The following ELF4 variants were observed in gnomAD, a reference collection of about 807,000 sequenced individuals.
ELF4 encodes E74 like ETS transcription factor 4.
ELF4 carries 10 observed loss-of-function variants against 31.7 expected under a neutral mutation model. The observed-to-expected ratio is 0.32, with a 90% CI of 0.19 to 0.54. The LOEUF (loss-of-function observed/expected upper bound fraction) is 0.54, where lower values mean the gene tolerates loss of function less well. Ranked by LOEUF, ELF4 falls within the 20% of genes least tolerant of loss-of-function variation. The pLI, the probability that ELF4 is intolerant of heterozygous loss-of-function variation, is 0.95. For missense variants in ELF4, 418 were observed against 522.0 expected, an observed-to-expected ratio of 0.80 and a Z score of 1.94; for synonymous variants, 208 against 226.7, an observed-to-expected ratio of 0.92 and a Z score of 0.74.
In ELF4 at chrX:130,066,647, G is replaced by T; in HGVS notation, c.*74C>A. ...CCCACTGAAATGCAGGGGCAGGTGT[G>T]CTACTGAAGTCGGTCCCTATGAAAA... On this transcript the variant is annotated 3_prime_UTR_variant, in exon 9 of 9. Coordinates refer to ENST00000308167, the MANE Select transcript of ELF4 (RefSeq NM_001421.4). 1.9e-6 allele frequency: 2 copies of T among 1,035,265 alleles called. No homozygotes were observed. Among genetic ancestry groups the T allele is most frequent in the Non-Finnish European group, 2.7e-6 (2 of 742,523 alleles). The allele number at this position is 1,035,265 out of a possible 1,213,427, so 85.3% of individuals were successfully genotyped here.
At chrX:130,078,756 T>C (rs1283720860) in intron 2 of ELF4, among the ~76,000 whole-genome samples, 1 of 88,508 alleles carries the variant, frequency 1.1e-5, no homozygotes, top group South Asian at 6.6e-4. Flanking sequence ...AAACTCTCTC[T>C]CTCTCTACAC....
upstream of ELF4, among the ~76,000 whole-genome samples, chrX:130,111,846 C>T (rs1410814454): frequency 8.9e-6 from 1 of 112,108 alleles, no homozygotes; most frequent in African/African-American, 3.2e-5. Flanking sequence ...AATACCGCCG[C>T]CTACGTGGGT....
At chrX:130,102,649 AC>A (rs767565443) in intron 1 of ELF4, among the ~76,000 whole-genome samples, 11 of 64,463 alleles carry the variant, frequency 1.7e-4, no homozygotes, top group Middle Eastern at 6.9e-3. Context: ...ACATACCTCT[AC>A]AAAAAAAAAA....
At chrX:130,082,127 T>C (rs1189921604) in intron 1 of ELF4, among the ~76,000 whole-genome samples, 1 of 111,375 alleles carries the variant, frequency 9.0e-6, no homozygotes, top group Non-Finnish European at 1.9e-5. Context: ...GCCAGTTAGC[T>C]TTGAGGGGCC....
At chrX:130,076,268 T>C (rs1932833959) in intron 2 of ELF4, among the ~76,000 whole-genome samples, 1 of 111,193 alleles carries the variant, frequency 9.0e-6, no homozygotes, top group Admixed American at 9.6e-5. Flanking sequence ...CTCATGCCTG[T>C]AATGCCAGCA....
intron 1 of ELF4, among the ~76,000 whole-genome samples, chrX:130,108,979 A>T (rs1462412301): frequency 8.9e-6 from 1 of 112,606 alleles, no homozygotes; most frequent in East Asian, 2.8e-4. Context: ...CCTGTACTGG[A>T]TGCACTGAAT....
In ELF4 at chrX:130,104,177, A is replaced by G. The variant is rs745501900; in HGVS notation, c.-210+6148T>C. Among the ~76,000 whole-genome samples, 219 of 111,072 alleles carry G rather than the reference A, an allele frequency of 2.0e-3. 1 individual carries two copies. Among genetic ancestry groups the G allele is most frequent in the Non-Finnish European group, 3.3e-3 (174 of 52,967 alleles). ...CTTATTTCTGCAGTGAATGATGCTC[A>G]AGATGAAAATGGTGAAGGACTAAAG... is the stretch of plus-strand genomic sequence containing the variant. On this transcript the variant is annotated intron_variant, in intron 1 of 8. Transcript: ENST00000308167.
At chrX:130,108,692 A>G (rs1366971784) in intron 1 of ELF4, among the ~76,000 whole-genome samples, 2 of 110,600 alleles carry the variant, frequency 1.8e-5, no homozygotes, top group African/African-American at 6.6e-5. Flanking sequence ...TTCCTGAGCA[A>G]CCACCGAGCA....
At chrX:130,093,047 T>G in intron 1 of ELF4, among the ~76,000 whole-genome samples, 1 of 110,548 alleles carries the variant, frequency 9.0e-6, no homozygotes, top group Middle Eastern at 4.8e-3. Flanking sequence ...GTGTGATGGC[T>G]CATGCCTATA....
At chrX:130,092,702 G>A (rs1162951941) in intron 1 of ELF4, among the ~76,000 whole-genome samples, 1 of 112,094 alleles carries the variant, frequency 8.9e-6, no homozygotes, top group African/African-American at 3.2e-5. Context: ...GCCCAGGGTG[G>A]CTTCGAATGG....
intron 1 of ELF4, among the ~76,000 whole-genome samples, chrX:130,103,815 T>TC (rs1933327029): frequency 8.9e-6 from 1 of 111,926 alleles, no homozygotes; most frequent in South Asian, 3.7e-4. Context: ...AGGCTGCCTG[T>TC]CCCTGCGGGT....
chrX:130,091,007 T>A (rs897373440), intron 1 of ELF4, among the ~76,000 whole-genome samples: 7 of 111,268 alleles, frequency 6.3e-5, no homozygotes, highest in Non-Finnish European at 1.3e-4. Context: ...TGAGACAGGG[T>A]TTTGCCATGT....
intron 2 of ELF4, 81 bp from the exon 3 acceptor site, chrX:130,074,833 G>A: frequency 1.8e-6 from 2 of 1,093,160 alleles, no homozygotes; most frequent in South Asian, 1.9e-5. Flanking sequence ...GGCCCTCTGT[G>A]CAAGTCCTTA....
intron 1 of ELF4, among the ~76,000 whole-genome samples, chrX:130,093,221 C>G (rs375665098): frequency 1.8e-4 from 19 of 107,516 alleles, no homozygotes; most frequent in East Asian, 1.5e-3. Flanking sequence ...AGGAGAATTG[C>G]TTGAACCCAG....
rs371769032 is a variant in ELF4 at position 130,108,937 on chromosome X, A to G, written c.-210+1388T>C. 3.7e-4 allele frequency among the ~76,000 whole-genome samples: 41 copies of G among 111,174 alleles called. 1 individual carries two copies. In the South Asian group the frequency reaches 0.014, roughly 39 times the overall value. On this transcript the variant is annotated intron_variant, in intron 1 of 8. Transcript: ENST00000308167. ...TAGGAAGTCCTCCCTGATAATCTTC[A>G]CTGAACTCCAGAGAGCTCCCCCTAC...
At position 130,066,226 on chromosome X, in the gene ELF4, G is replaced by A. The variant is rs1339272890; in HGVS notation, c.*495C>T. ...ATCCCTATCCCTGTGGCTGATCCAC[G>A]GAGACATACACACACCCTTGGAGAC... On this transcript the variant is annotated 3_prime_UTR_variant, in exon 9 of 9. Transcript: ENST00000308167. 2 of 176,955 alleles carry A rather than the reference G, an allele frequency of 1.1e-5. No individual in the cohort carries two copies. The highest frequency in any genetic ancestry group is 8.1e-5 in the East Asian group (1 of 12,389). The allele number at this position is 176,955 out of a possible 1,213,427, so 14.6% of individuals were successfully genotyped here.
chrX:130,074,766 A>G lies in ELF4; in HGVS notation c.76-14T>C. ...GGGGTCTTCCAGCTATGGAGAAGAC[A>G]GGGATGTGATTCAAGACCCACCCAG... On this transcript the variant is annotated splice_polypyrimidine_tract_variant and intron_variant, in intron 2 of 8. Transcript: ENST00000308167. The G allele has an allele frequency of 8.3e-7, 1 of 1,210,924 alleles. No homozygotes were observed.
intron 1 of ELF4, among the ~76,000 whole-genome samples, chrX:130,082,434 C>G (rs889869501): frequency 1.8e-5 from 2 of 112,105 alleles, no homozygotes; most frequent in African/African-American, 6.5e-5. Flanking sequence ...TGAACTGTCA[C>G]CCTGGGAACT....
At chrX:130,102,752 G>A (rs912165519) in intron 1 of ELF4, among the ~76,000 whole-genome samples, 1 of 107,605 alleles carries the variant, frequency 9.3e-6, no homozygotes, top group African/African-American at 3.4e-5. Context: ...AGGAGGTCAA[G>A]GCTGCAATGA....
Sources: allele counts gnomAD v4.1 joint callset (sites outside exome capture counted in the v4.1 genomes callset), GRCh38; gene constraint gnomAD v4.1.1; transcripts MANE v1.5; gene names NCBI Gene and HGNC (gene_info 2026-07-23, HGNC 2026-07-21).